ADAMTS17: variants seen among roughly 807,000 people sequenced by gnomAD.
ADAMTS17 encodes ADAM metallopeptidase with thrombospondin type 1 motif 17.
Under a neutral mutation model 141.5 loss-of-function variants are expected in ADAMTS17, and 113 were observed. The ratio of observed to expected loss-of-function variants is 0.80; its 90% CI spans 0.69 to 0.93. ADAMTS17 has a LOEUF of 0.93. Ranked by LOEUF, ADAMTS17 falls within the 40% of genes least tolerant of loss-of-function variation. ADAMTS17 has a pLI of 0.00. For missense variants in ADAMTS17, 1,659 were observed against 1,517.9 expected, an observed-to-expected ratio of 1.09 and a Z score of -1.54; for synonymous variants, 768 against 630.6, an observed-to-expected ratio of 1.22 and a Z score of -3.27.
rs561735083 is a variant in ADAMTS17 at position 100,051,705 on chromosome 15, A to G, written c.2322T>C (p.Tyr774=). The change falls in exon 17 of 22, where the codon TAT becomes TAC. Residue 774 remains tyrosine (Y), a synonymous_variant. Coordinates refer to ENST00000268070, the MANE Select transcript of ADAMTS17 (RefSeq NM_139057.4). ...LMVLLFHDQD[Y]GIHYEYTVPV... is the part of the protein sequence containing the mutation. ...GAACAGTGTATTCATAATGAATTCC[A>G]TAATCTTGGTCGTGAAATAACAACA... 3.7e-6 allele frequency: 6 copies of G among 1,614,224 alleles called. No homozygotes were observed. In the African/African-American group the frequency reaches 5.3e-5, roughly 14 times the overall value.
intron 18 of ADAMTS17, among the ~76,000 whole-genome samples, chr15:100,006,978 C>G (rs982890163): frequency 6.6e-6 from 1 of 152,232 alleles, no homozygotes; most frequent in South Asian, 2.1e-4. Flanking sequence ...TCTTTGTTCC[C>G]AGATACGTGA....
chr15:100,333,506 T>C (rs1384553822), intron 2 of ADAMTS17, among the ~76,000 whole-genome samples: 1 of 152,190 alleles, frequency 6.6e-6, no homozygotes, highest in Non-Finnish European at 1.5e-5. Flanking sequence ...AAATTCAATG[T>C]GTAGCCAGGG....
At position 100,048,946 on chromosome 15, in the gene ADAMTS17, G is replaced by A; in HGVS notation, c.2502C>T (p.Thr834=). The change falls in exon 18 of 22, where the codon ACC becomes ACT. Residue 834 remains threonine, a synonymous_variant. Coordinates refer to ENST00000268070, the MANE Select transcript of ADAMTS17 (RefSeq NM_139057.4). The part of the protein sequence containing the change: ...IVSCTRIVNK[T]TTLVNDSDCP... ...AGTCACTGTCGTTCACCAGAGTTGT[G>A]GTCTTGTTGACAATCCGTGTACACG... 6.2e-7 allele frequency: 1 copy of A among 1,614,142 alleles called. No homozygotes were observed. The highest frequency in any genetic ancestry group is 8.5e-7 in the Non-Finnish European group (1 of 1,180,032).
chr15:100,290,453 A>G (rs2044591410), intron 3 of ADAMTS17, among the ~76,000 whole-genome samples: 2 of 152,228 alleles, frequency 1.3e-5, no homozygotes, highest in African/African-American at 4.8e-5. Context: ...TATAGATTCA[A>G]TGTTATTCCT....
chr15:100,227,358 C>T (rs1596319131), intron 7 of ADAMTS17, among the ~76,000 whole-genome samples: 1 of 152,238 alleles, frequency 6.6e-6, no homozygotes, highest in Admixed American at 6.5e-5. Flanking sequence ...TCACTACCCC[C>T]TCCAATCCTC....
At chr15:100,300,403 T>C (rs559917236) in intron 3 of ADAMTS17, among the ~76,000 whole-genome samples, 19 of 152,320 alleles carry the variant, frequency 1.2e-4, no homozygotes, top group African/African-American at 4.3e-4. Context: ...CAAAACGACC[T>C]GCCCAGAAAA....
At chr15:100,046,230 T>A (rs1016746189) in intron 18 of ADAMTS17, among the ~76,000 whole-genome samples, 13 of 152,200 alleles carry the variant, frequency 8.5e-5, no homozygotes, top group Non-Finnish European at 1.5e-4. Flanking sequence ...CCAGAGTTCT[T>A]AATTGTTATC....
At chr15:100,037,417 T>TTC (rs2030837698) in intron 18 of ADAMTS17, among the ~76,000 whole-genome samples, 1 of 151,296 alleles carries the variant, frequency 6.6e-6, no homozygotes, top group African/African-American at 2.5e-5. Flanking sequence ...TTTTTTTTTT[T>TTC]TTCTTCTTTT....
chr15:100,152,014 G>A (rs1179392830), intron 10 of ADAMTS17, among the ~76,000 whole-genome samples: 1 of 152,170 alleles, frequency 6.6e-6, no homozygotes, highest in Admixed American at 6.5e-5. Context: ...TGTAAACCAG[G>A]GACAGGATCT....
intron 14 of ADAMTS17, among the ~76,000 whole-genome samples, chr15:100,105,103 C>A (rs943455134): frequency 6.6e-6 from 1 of 152,138 alleles, no homozygotes; most frequent in Non-Finnish European, 1.5e-5. Flanking sequence ...ACAGTTTTAA[C>A]CTGGAGAAGT....
At chr15:100,292,034 G>A (rs537036127) in intron 3 of ADAMTS17, among the ~76,000 whole-genome samples, 31 of 151,636 alleles carry the variant, frequency 2.0e-4, no homozygotes, top group African/African-American at 7.0e-4. Flanking sequence ...GTGGAATCAC[G>A]AGAGACGCTC....
At chr15:100,288,335 A>G (rs2044514626) in intron 3 of ADAMTS17, among the ~76,000 whole-genome samples, 3 of 152,240 alleles carry the variant, frequency 2.0e-5, no homozygotes, top group Non-Finnish European at 4.4e-5. Context: ...TTCCAAATAT[A>G]TATGCACCCA....
intron 20 of ADAMTS17, among the ~76,000 whole-genome samples, chr15:99,977,246 G>A (rs1013141142): frequency 1.0e-3 from 151 of 150,078 alleles, no homozygotes; most frequent in African/African-American, 3.5e-3. Flanking sequence ...AGGAGGTGCC[G>A]TGTTTGCTAA....
intron 8 of ADAMTS17, among the ~76,000 whole-genome samples, chr15:100,172,883 G>T (rs1403148885): frequency 6.6e-6 from 1 of 152,196 alleles, no homozygotes; most frequent in Admixed American, 6.5e-5. Context: ...TTTTCCTTGA[G>T]GTACCGAGGA....
At chr15:100,110,362 T>A (rs1287529977) in intron 13 of ADAMTS17, among the ~76,000 whole-genome samples, 1 of 151,406 alleles carries the variant, frequency 6.6e-6, no homozygotes, top group African/African-American at 2.4e-5. Context: ...CCTCCCAGGT[T>A]CATGCCATTC....
At chr15:100,215,171 C>A (rs1274680063) in intron 7 of ADAMTS17, among the ~76,000 whole-genome samples, 1 of 152,214 alleles carries the variant, frequency 6.6e-6, no homozygotes, top group Non-Finnish European at 1.5e-5. Flanking sequence ...AACGCAGTAG[C>A]AATACTAAAT....
At chr15:100,239,714 G>A (rs1263151094) in intron 7 of ADAMTS17, among the ~76,000 whole-genome samples, 1 of 152,186 alleles carries the variant, frequency 6.6e-6, no homozygotes. Context: ...GCACAGTCCA[G>A]GGCACTTCAG....
At chr15:100,308,356 G>A (rs1253397104) in intron 3 of ADAMTS17, among the ~76,000 whole-genome samples, 1 of 152,176 alleles carries the variant, frequency 6.6e-6, no homozygotes, top group African/African-American at 2.4e-5. Context: ...AGCAAAAGAC[G>A]ACAGTTGTAA....
At chr15:100,233,855 G>A (rs1596329846) in intron 7 of ADAMTS17, among the ~76,000 whole-genome samples, 1 of 152,160 alleles carries the variant, frequency 6.6e-6, no homozygotes, top group East Asian at 1.9e-4. Context: ...CTGAGGCAGA[G>A]GTGGCTTCCC....
Sources: allele counts gnomAD v4.1 joint callset (sites outside exome capture counted in the v4.1 genomes callset), GRCh38; gene constraint gnomAD v4.1.1; transcripts MANE v1.5; gene names NCBI Gene and HGNC (gene_info 2026-07-23, HGNC 2026-07-21).